The following LHFPL3 variants were observed in gnomAD, a reference collection of about 807,000 sequenced individuals.
LHFPL3 encodes LHFPL tetraspan subfamily member 3.
A neutral mutation model predicts 19.3 loss-of-function variants in LHFPL3; 5 were observed. The observed-to-expected ratio is 0.26, with a 90% CI of 0.14 to 0.54. LHFPL3 has a LOEUF of 0.54. LHFPL3 is among the 20% of genes least tolerant of loss of function. The probability of loss-of-function intolerance (pLI) is 0.94; values close to 1 mark genes in which losing one functional copy is unlikely to be tolerated. For missense variants in LHFPL3, 249 were observed against 307.4 expected, an observed-to-expected ratio of 0.81 and a Z score of 1.42; for synonymous variants, 133 against 126.2, an observed-to-expected ratio of 1.05 and a Z score of -0.36.
At chr7:104,701,418 T>C (rs1028807129) in intron 1 of LHFPL3, among the ~76,000 whole-genome samples, 27 of 152,346 alleles carry the variant, frequency 1.8e-4, no homozygotes, top group African/African-American at 6.5e-4. Context: ...ATATTTTGTA[T>C]GCTATATGTA....
intron 2 of LHFPL3, among the ~76,000 whole-genome samples, chr7:104,824,523 TTTATATATAATATATATAATTATATA>T (rs1489842228): frequency 3.2e-5 from 2 of 62,484 alleles, no homozygotes; most frequent in African/African-American, 1.2e-4. Context: ...TATATATTAT[TTTATATATAATATATATAATTATATA>T]TAATATATAA....
At chr7:104,765,373 T>A (rs1321218014) in intron 2 of LHFPL3, among the ~76,000 whole-genome samples, 4 of 152,210 alleles carry the variant, frequency 2.6e-5, no homozygotes, top group Non-Finnish European at 5.9e-5. Context: ...GGGCTCAGTA[T>A]TTGGCCAAAG....
intron 2 of LHFPL3, among the ~76,000 whole-genome samples, chr7:104,742,810 C>G (rs1031203276): frequency 6.6e-6 from 1 of 152,164 alleles, no homozygotes; most frequent in African/African-American, 2.4e-5. Context: ...ACATTAAATA[C>G]TCTTTTAGGA....
At chr7:104,759,258 C>T (rs1331372697) in intron 2 of LHFPL3, among the ~76,000 whole-genome samples, 2 of 152,054 alleles carry the variant, frequency 1.3e-5, no homozygotes, top group African/African-American at 4.8e-5. Flanking sequence ...GGACTTATCC[C>T]TCATAGAACT....
intron 1 of LHFPL3, among the ~76,000 whole-genome samples, chr7:104,492,985 A>G (rs12539136): frequency 0.16 from 23,807 of 152,160 alleles, 2,348 homozygotes; most frequent in Non-Finnish European, 0.21. Flanking sequence ...ACTTCACTGT[A>G]TCTTTCAAGC....
At chr7:104,641,253 C>T (rs904250076) in intron 1 of LHFPL3, among the ~76,000 whole-genome samples, 4 of 152,192 alleles carry the variant, frequency 2.6e-5, no homozygotes, top group Admixed American at 2.6e-4. Flanking sequence ...ACCAGCAATG[C>T]ACTTGAAAGC....
At chr7:104,701,371 C>G (rs1190341026) in intron 1 of LHFPL3, among the ~76,000 whole-genome samples, 1 of 152,140 alleles carries the variant, frequency 6.6e-6, no homozygotes, top group Non-Finnish European at 1.5e-5. Flanking sequence ...CCAAAAGTTA[C>G]TACTAATAGC....
At position 104,596,429 on chromosome 7, in the gene LHFPL3, ATC is replaced by A. The variant is rs1440205688; in HGVS notation, c.446-140242_446-140241del. Among the ~76,000 whole-genome samples, 52 of 152,188 alleles carry A rather than the reference ATC, an allele frequency of 3.4e-4. 1 individual carries two copies. The highest frequency in any genetic ancestry group is 3.3e-3 in the Admixed American group (50 of 15,274). ...CTTCCATTTGTGAAGATGTGGATAAATCTCTTAGTATGATTTATTGATGGTTA... is the reference window on the plus strand; with the variant it reads ...CTTCCATTTGTGAAGATGTGGATAAATCTTAGTATGATTTATTGATGGTTA... On this transcript the variant is annotated intron_variant, in intron 1 of 2. Transcript: ENST00000424859.
At chr7:104,705,731 ATTGAG>A (rs1414206328) in intron 1 of LHFPL3, among the ~76,000 whole-genome samples, 1 of 152,178 alleles carries the variant, frequency 6.6e-6, no homozygotes, top group East Asian at 1.9e-4. Context: ...CTGATAAGGA[ATTGAG>A]CTGTCAGTCC....
chr7:104,895,039 C>A (rs1438601687), intron 2 of LHFPL3: 3 of 152,104 alleles, frequency 2.0e-5, no homozygotes, highest in Admixed American at 2.0e-4. Flanking sequence ...GATCGAGATC[C>A]AGGGAGGTTC....
chr7:104,734,128 G>A (rs1294509629), intron 1 of LHFPL3, among the ~76,000 whole-genome samples: 4 of 152,160 alleles, frequency 2.6e-5, no homozygotes, highest in African/African-American at 4.8e-5. Flanking sequence ...TGGGTAACCC[G>A]ACCTTTCTCT....
intron 1 of LHFPL3, among the ~76,000 whole-genome samples, chr7:104,537,250 ACATTTC>A (rs1274853119): frequency 6.6e-6 from 1 of 152,160 alleles, no homozygotes; most frequent in Non-Finnish European, 1.5e-5. Flanking sequence ...GGGGAGAGTG[ACATTTC>A]CAGTTAACAG....
At chr7:104,780,433 C>A (rs1794699598) in intron 2 of LHFPL3, among the ~76,000 whole-genome samples, 1 of 152,180 alleles carries the variant, frequency 6.6e-6, no homozygotes, top group Non-Finnish European at 1.5e-5. Flanking sequence ...TCTAGCCCTG[C>A]CCAGAGGACG....
At chr7:104,761,244 G>T (rs191855636) in intron 2 of LHFPL3, among the ~76,000 whole-genome samples, 1 of 152,238 alleles carries the variant, frequency 6.6e-6, no homozygotes, top group Non-Finnish European at 1.5e-5. Context: ...ATAGATGCCT[G>T]AAGCCTGTTT....
chr7:104,869,952 G>A (rs1463457464), intron 2 of LHFPL3, among the ~76,000 whole-genome samples: 1 of 152,144 alleles, frequency 6.6e-6, no homozygotes. Flanking sequence ...GGACATGGAT[G>A]AAGCTGGAAA....
At chr7:104,510,425 G>C (rs1004045972) in intron 1 of LHFPL3, among the ~76,000 whole-genome samples, 1 of 152,030 alleles carries the variant, frequency 6.6e-6, no homozygotes, top group African/African-American at 2.4e-5. Flanking sequence ...AATAGACAAG[G>C]TTGCAAAAGT....
intron 1 of LHFPL3, among the ~76,000 whole-genome samples, chr7:104,479,539 CCA>C (rs1424583531): frequency 3.3e-5 from 5 of 152,010 alleles, no homozygotes; most frequent in African/African-American, 9.7e-5. Flanking sequence ...TTACAGGTGC[CCA>C]CCACCATGCC....
At chr7:104,732,257 T>A (rs1286203144) in intron 1 of LHFPL3, among the ~76,000 whole-genome samples, 1 of 152,220 alleles carries the variant, frequency 6.6e-6, no homozygotes, top group African/African-American at 2.4e-5. Context: ...TTAGGGAGGA[T>A]TCCCTCTTTT....
chr7:104,541,486 A>G (rs752033360), intron 1 of LHFPL3, among the ~76,000 whole-genome samples: 3 of 152,164 alleles, frequency 2.0e-5, no homozygotes, highest in Admixed American at 6.5e-5. Context: ...ATAAAAGTCC[A>G]TGTTCTCCCC....
Sources: allele counts gnomAD v4.1 joint callset (sites outside exome capture counted in the v4.1 genomes callset), GRCh38; gene constraint gnomAD v4.1.1; transcripts MANE v1.5; gene names NCBI Gene and HGNC (gene_info 2026-07-23, HGNC 2026-07-21).